GRAMD2A: variants seen among roughly 807,000 people sequenced by gnomAD.
GRAMD2A encodes the protein GRAM domain-containing protein 2A.
A neutral mutation model predicts 51.1 loss-of-function variants in GRAMD2A; 37 were observed. The observed-to-expected ratio is 0.72, with a 90% confidence interval of 0.56 to 0.95. GRAMD2A has a LOEUF of 0.95. GRAMD2A is among the 40% of genes least tolerant of loss of function. The pLI is 0.00. For synonymous variants in GRAMD2A, 136 were observed against 157.1 expected (o/e 0.87, Z 1.01); for missense variants, 414 against 426.9 (o/e 0.97, Z 0.27).
chr15:72,182,074 C>T (rs952657193), intron 1 of GRAMD2A, among the ~76,000 whole-genome samples: 4 of 152,024 alleles, frequency 2.6e-5, no homozygotes, highest in Non-Finnish European at 4.4e-5. Context: ...CAAAAATTAG[C>T]CAAAATTCGG....
chr15:72,177,607 T>C (rs906517557), intron 1 of GRAMD2A, among the ~76,000 whole-genome samples: 2 of 152,240 alleles, frequency 1.3e-5, no homozygotes, highest in Admixed American at 1.3e-4. Flanking sequence ...AGTTTCCAGT[T>C]TTTGCCTCTT....
Position 72,179,995 on chromosome 15 carries a change from T to G in GRAMD2A, c.42-10056A>C, listed in dbSNP as rs1014739649. ...GTGACTGCCTCCCACCACCATGGGC[T>G]CGGAGGCACGACCCAACTTCAGCTC... On this transcript the variant is annotated intron_variant, in intron 1 of 11. Transcript: ENST00000309731. Among the ~76,000 whole-genome samples, 13 of 152,176 alleles carry G rather than the reference T, an allele frequency of 8.5e-5. 1 individual carries two copies. Among genetic ancestry groups the G allele is most frequent in the African/African-American group, 3.1e-4 (13 of 41,442 alleles).
intron 3 of GRAMD2A, 79 bp downstream of exon 3, chr15:72,168,860 A>G (rs2081577949): frequency 7.5e-7 from 1 of 1,336,912 alleles, no homozygotes; most frequent in African/African-American, 1.4e-5. Flanking sequence ...CCGGTGGCCA[A>G]GGAGCCAAAA....
At position 72,170,744 on chromosome 15, in the gene GRAMD2A, C is replaced by T. The variant is rs1180515362; in HGVS notation, c.42-805G>A. Among the ~76,000 whole-genome samples the T allele has an allele frequency of 6.6e-6, 1 of 152,118 alleles. No homozygotes were observed. The highest frequency in any genetic ancestry group is 1.9e-4 in the East Asian group (1 of 5,200). On this transcript the variant is annotated intron_variant, in intron 1 of 11. Coordinates refer to ENST00000309731, the MANE Select transcript of GRAMD2A (RefSeq NM_001012642.3). This position sits in a 1 kb window ranked among gnomAD's most constrained non-coding sequence, Gnocchi z 4.5. Reference sequence around the variant, plus strand: ...GTCAAGCCAGCCCCAACCAAGTGGGCCCAGGGGCTGACCAAGAAAGAGAGG... The same window carrying T: ...GTCAAGCCAGCCCCAACCAAGTGGGTCCAGGGGCTGACCAAGAAAGAGAGG...
In GRAMD2A at chr15:72,170,167, G is replaced by A; in HGVS notation, c.42-228C>T. 2 of 653,152 alleles carry A rather than the reference G, an allele frequency of 3.1e-6. No homozygotes were observed. Among genetic ancestry groups the A allele is most frequent in the Non-Finnish European group, 5.7e-6 (2 of 353,722 alleles). 40.5% of individuals were successfully genotyped at this position (653,152 alleles called of 1,614,324 possible). On this transcript the variant is annotated intron_variant, in intron 1 of 11. Transcript: ENST00000309731. This position sits in a 1 kb window ranked among gnomAD's most constrained non-coding sequence, Gnocchi z 4.5. Reference sequence around the variant, plus strand: ...ACAGCGTCTTTCCCGAAAGCCAGAAGTTCTGCTTATGCCTAGGCTGGGAGG... The same window carrying A: ...ACAGCGTCTTTCCCGAAAGCCAGAAATTCTGCTTATGCCTAGGCTGGGAGG...
intron 1 of GRAMD2A, among the ~76,000 whole-genome samples, chr15:72,171,937 C>T (rs964028833): frequency 6.6e-6 from 1 of 151,384 alleles, no homozygotes; most frequent in African/African-American, 2.4e-5. Context: ...TCCAGCAATT[C>T]TCCTGCCTCA....
intron 10 of GRAMD2A, among the ~76,000 whole-genome samples, chr15:72,163,028 C>A (rs1464791951): frequency 1.3e-5 from 2 of 152,218 alleles, no homozygotes; most frequent in African/African-American, 4.8e-5. Flanking sequence ...TATCCTGCCC[C>A]TCTCCACCAA....
chr15:72,186,428 G>A (rs1391198969), intron 1 of GRAMD2A, among the ~76,000 whole-genome samples: 2 of 151,674 alleles, frequency 1.3e-5, no homozygotes, highest in Non-Finnish European at 2.9e-5. Context: ...GGGTTCAAGC[G>A]ATTCTCCCGC....
At chr15:72,171,555 G>A (rs2081610092) in intron 1 of GRAMD2A, among the ~76,000 whole-genome samples, 3 of 152,146 alleles carry the variant, frequency 2.0e-5, no homozygotes, top group Admixed American at 2.0e-4. Context: ...AACAGATGCT[G>A]TTCCAGTTAA....
chr15:72,166,730 G>T lies in GRAMD2A; in HGVS notation c.472-27C>A. 1 of 1,593,612 alleles carries T rather than the reference G, an allele frequency of 6.3e-7. No individual in the cohort carries two copies. ...TGGGACATGGAAAGAAAACAGACAG[G>T]GGTAGGGTGAGATGAGACTCCTTGC... On this transcript the variant is annotated intron_variant, in intron 6 of 11. Transcript: ENST00000309731. The surrounding 1 kb of genome is among the most constrained non-coding windows in gnomAD (Gnocchi z 4.1).
intron 11 of GRAMD2A, 33 bp downstream of exon 11, chr15:72,162,240 T>C (rs781026022): frequency 5.5e-5 from 84 of 1,515,682 alleles, no homozygotes; most frequent in Non-Finnish European, 7.5e-5. Flanking sequence ...CAACCCTCAA[T>C]ATCAAAGGCA....
chr15:72,184,847 T>G (rs1030127494), intron 1 of GRAMD2A, among the ~76,000 whole-genome samples: 5 of 152,232 alleles, frequency 3.3e-5, no homozygotes, highest in African/African-American at 4.8e-5. Context: ...AGAGGGACAA[T>G]TATTGTTTGA....
chr15:72,173,349 C>G (rs1478645332), intron 1 of GRAMD2A, among the ~76,000 whole-genome samples: 1 of 152,144 alleles, frequency 6.6e-6, no homozygotes, highest in East Asian at 1.9e-4. Context: ...GGGAGAGAAG[C>G]CTTCCCTCAG....
intron 1 of GRAMD2A, among the ~76,000 whole-genome samples, chr15:72,173,047 G>C (rs552794331): frequency 6.6e-6 from 1 of 152,270 alleles, no homozygotes; most frequent in East Asian, 1.9e-4. Context: ...ACTGAAGGAT[G>C]GATGAGGGAT....
At chr15:72,174,852 C>A (rs1352440338) in intron 1 of GRAMD2A, among the ~76,000 whole-genome samples, 1 of 152,044 alleles carries the variant, frequency 6.6e-6, no homozygotes, top group Non-Finnish European at 1.5e-5. Flanking sequence ...TGAGTGGGAG[C>A]CCAGATACAC....
At chr15:72,169,307 G>A (rs7175197) in intron 2 of GRAMD2A, 332,613 of 485,940 alleles carry the variant, frequency 0.68, 116,583 homozygotes, top group Non-Finnish European at 0.73. Flanking sequence ...TTCCCACCTG[G>A]GTGTCAAAGA....
chr15:72,161,794 C>T lies in GRAMD2A; in HGVS notation c.*215G>A. On this transcript the variant is annotated 3_prime_UTR_variant, in exon 12 of 12. Coordinates refer to ENST00000309731, the MANE Select transcript of GRAMD2A (RefSeq NM_001012642.3). ...AAAAATCTGGCTTTTTGCTTGAGTC[C>T]AAAAATTGTAGAAGCCAGTTACTTT... 3.6e-6 allele frequency: 2 copies of T among 557,884 alleles called. No individual in the cohort carries two copies. Among genetic ancestry groups the T allele is most frequent in the Non-Finnish European group, 6.4e-6 (2 of 311,240 alleles). The allele number at this position is 557,884 out of a possible 1,614,324, so 34.6% of individuals were successfully genotyped here.
intron 1 of GRAMD2A, among the ~76,000 whole-genome samples, 198 bp downstream of exon 1, chr15:72,197,533 C>G (rs1412955102): frequency 6.6e-6 from 1 of 152,078 alleles, no homozygotes; most frequent in East Asian, 1.9e-4. Context: ...GAACACCTCG[C>G]GGGCCCCGGG....
rs1243767363 is a variant in GRAMD2A, at chr15:72,177,155, C to T, written c.42-7216G>A. ...CGGATTACAGGCATGAGCCACTGTG[C>T]TCAGCCTGCAGTCCTTTAAAAAAAA... On this transcript the variant is annotated intron_variant, in intron 1 of 11. Coordinates refer to ENST00000309731, the MANE Select transcript of GRAMD2A (RefSeq NM_001012642.3). 1.3e-5 allele frequency among the ~76,000 whole-genome samples: 2 copies of T among 150,120 alleles called. 1 individual carries two copies. The highest frequency in any genetic ancestry group is 1.3e-4 in the Admixed American group (2 of 15,018).
Sources: gnomAD v4.1 joint callset for allele counts (sites outside exome capture counted in the v4.1 genomes callset) on GRCh38, gnomAD v4.1.1 for gene constraint, Gnocchi (gnomAD v3.1) non-coding constraint, MANE v1.5 for transcripts, NCBI Gene and HGNC (gene_info 2026-07-23, HGNC 2026-07-21) for gene names.